LMBR1: variants seen among roughly 807,000 people sequenced by gnomAD.
LMBR1 encodes limb region 1 protein homolog.
LMBR1 carries 52 observed loss-of-function variants against 73.9 expected under a neutral mutation model. The ratio of observed to expected loss-of-function variants is 0.70; its 90% confidence interval spans 0.56 to 0.89. The LOEUF (loss-of-function observed/expected upper bound fraction) is 0.89. Among genes scored for constraint, LMBR1 ranks in the 40% least tolerant of loss-of-function variants. The pLI, the probability that LMBR1 is intolerant of heterozygous loss-of-function variation, is 0.00. For synonymous variants in LMBR1, 215 were observed against 209.4 expected (o/e 1.03, Z -0.23); for missense variants, 539 against 579.8 (o/e 0.93, Z 0.72).
chr7:156,726,273 T>C (rs1815731777), intron 12 of LMBR1, among the ~76,000 whole-genome samples: 1 of 152,188 alleles, frequency 6.6e-6, no homozygotes, highest in Non-Finnish European at 1.5e-5. Context: ...AAAATTAAGC[T>C]AAGAGTAGAA....
chr7:156,855,443 G>A (rs6964248), intron 1 of LMBR1, among the ~76,000 whole-genome samples: 6,648 of 152,068 alleles, frequency 0.044, 207 homozygotes, highest in East Asian at 0.068. Context: ...AACTTCCCAA[G>A]CTGAAAAGCA....
intron 5 of LMBR1, among the ~76,000 whole-genome samples, chr7:156,775,478 TA>T (rs1229752978): frequency 6.6e-6 from 1 of 152,178 alleles, no homozygotes; most frequent in Non-Finnish European, 1.5e-5. Flanking sequence ...CCTCTAATTG[TA>T]AAAAAACAGA....
intron 1 of LMBR1, among the ~76,000 whole-genome samples, chr7:156,846,958 T>C (rs1057429271): frequency 6.6e-6 from 1 of 152,028 alleles, no homozygotes; most frequent in Non-Finnish European, 1.5e-5. Flanking sequence ...CCCATAAACA[T>C]ACAATTATGC....
At chr7:156,731,381 T>C (rs1816803026) in intron 10 of LMBR1, among the ~76,000 whole-genome samples, 1 of 152,246 alleles carries the variant, frequency 6.6e-6, no homozygotes, top group African/African-American at 2.4e-5. Context: ...TTTTCCCAAA[T>C]AGATAAAAGA....
chr7:156,844,490 G>A (rs1839276232), intron 1 of LMBR1, among the ~76,000 whole-genome samples: 1 of 151,952 alleles, frequency 6.6e-6, no homozygotes, highest in African/African-American at 2.4e-5. Flanking sequence ...AGAGGGATGA[G>A]TGAAATAAAA....
rs1798813466 is a variant in LMBR1 at position 156,868,600 on chromosome 7, T to C, written c.66+24328A>G. On this transcript the variant is annotated intron_variant, in intron 1 of 16. Transcript: ENST00000353442. ...ATTGCTTGAACCTTGGAGGCGGAGG[T>C]TGCAGTGAGCCTAGATGGTGCCACT... Among the ~76,000 whole-genome samples, 3 of 151,658 alleles carry C rather than the reference T, an allele frequency of 2.0e-5. No homozygotes were observed. The South Asian group carries it at 6.2e-4, about 32-fold the overall frequency.
At chr7:156,730,228 T>G (rs905697963) in intron 10 of LMBR1, among the ~76,000 whole-genome samples, 2 of 152,184 alleles carry the variant, frequency 1.3e-5, no homozygotes, top group Admixed American at 1.3e-4. Flanking sequence ...ACAGTGCCAC[T>G]TTCCCTTCAA....
chr7:156,824,291 A>G (rs1226325816), intron 4 of LMBR1, among the ~76,000 whole-genome samples: 1 of 152,202 alleles, frequency 6.6e-6, no homozygotes, highest in African/African-American at 2.4e-5. Flanking sequence ...ACAGGGCCAC[A>G]GTCTCAGCAG....
chr7:156,865,914 A>G (rs1409411061), intron 1 of LMBR1, among the ~76,000 whole-genome samples: 1 of 152,250 alleles, frequency 6.6e-6, no homozygotes, highest in African/African-American at 2.4e-5. Flanking sequence ...ACCCCTTCTT[A>G]CATTATACAC....
intron 4 of LMBR1, among the ~76,000 whole-genome samples, chr7:156,803,464 A>G (rs1252645202): frequency 6.6e-6 from 1 of 152,148 alleles, no homozygotes; most frequent in African/African-American, 2.4e-5. Context: ...ACCATCTCAC[A>G]CCAGTTAGAA....
At chr7:156,810,060 G>A (rs958670593) in intron 4 of LMBR1, among the ~76,000 whole-genome samples, 1 of 151,634 alleles carries the variant, frequency 6.6e-6, no homozygotes, top group African/African-American at 2.4e-5. Flanking sequence ...CTGAGGCTGG[G>A]TAATTTATTA....
chr7:156,726,274 A>G (rs1815732434), intron 12 of LMBR1, among the ~76,000 whole-genome samples: 1 of 152,234 alleles, frequency 6.6e-6, no homozygotes, highest in Non-Finnish European at 1.5e-5. Context: ...AAATTAAGCT[A>G]AGAGTAGAAA....
intron 15 of LMBR1, among the ~76,000 whole-genome samples, chr7:156,714,379 G>A (rs142585569): frequency 3.8e-4 from 58 of 152,292 alleles, no homozygotes; most frequent in African/African-American, 1.2e-3. Context: ...GCCGGAGAAC[G>A]GCTGGTGAAG....
intron 5 of LMBR1, among the ~76,000 whole-genome samples, chr7:156,776,092 CA>C (rs1455403324): frequency 6.8e-6 from 1 of 148,072 alleles, no homozygotes; most frequent in African/African-American, 2.5e-5. Context: ...ATATTTTATA[CA>C]TTTTTATATA....
intron 5 of LMBR1, among the ~76,000 whole-genome samples, chr7:156,788,256 A>T (rs1474485670): frequency 6.6e-6 from 1 of 152,176 alleles, no homozygotes; most frequent in Non-Finnish European, 1.5e-5. Context: ...GCAACATAGC[A>T]AAACCCCATT....
intron 1 of LMBR1, among the ~76,000 whole-genome samples, chr7:156,888,187 A>G (rs1213150792): frequency 6.6e-6 from 1 of 150,778 alleles, no homozygotes; most frequent in Non-Finnish European, 1.5e-5. Flanking sequence ...GAGGCGGGCG[A>G]ATCACGAGGT....
chr7:156,801,104 G>A (rs1830878252), intron 4 of LMBR1, among the ~76,000 whole-genome samples: 1 of 152,196 alleles, frequency 6.6e-6, no homozygotes, highest in Admixed American at 6.5e-5. Flanking sequence ...GGTTTGAGAG[G>A]ATGGACTTCA....
At chr7:156,868,201 T>C (rs916442623) in intron 1 of LMBR1, among the ~76,000 whole-genome samples, 2 of 151,246 alleles carry the variant, frequency 1.3e-5, no homozygotes, top group Non-Finnish European at 3.0e-5. Flanking sequence ...TTTTCTTTTT[T>C]TTTTTTTTTT....
rs1277010310 is a variant in LMBR1, at chr7:156,683,702, T to A, written c.*376A>T. The stretch of plus-strand genomic sequence containing the variant: ...GCTTCTACATTCTGAATAAAGTACA[T>A]AATGGGATTTAAGTAAATCTTTAGA... On this transcript the variant is annotated 3_prime_UTR_variant, in exon 17 of 17. Coordinates refer to ENST00000353442, the MANE Select transcript of LMBR1 (RefSeq NM_022458.4). 5.9e-6 allele frequency: 1 copy of A among 169,374 alleles called. No homozygotes were observed. Among genetic ancestry groups the A allele is most frequent in the African/African-American group, 2.4e-5 (1 of 42,000 alleles). The allele number at this position is 169,374 out of a possible 1,614,324, so 10.5% of individuals were successfully genotyped here. A position where few individuals can be genotyped will look rare whatever the true frequency, so the allele number is the denominator to read the frequency against.
Sources: gnomAD v4.1 joint callset for allele counts (sites outside exome capture counted in the v4.1 genomes callset) on GRCh38, gnomAD v4.1.1 for gene constraint, MANE v1.5 for transcripts, NCBI Gene and HGNC (gene_info 2026-07-23, HGNC 2026-07-21) for gene names.